CCDC171: variants seen among roughly 807,000 people sequenced by gnomAD.
CCDC171 encodes coiled-coil domain-containing protein 171.
Under a neutral mutation model 168.2 loss-of-function variants are expected in CCDC171, and 177 were observed. The observed-to-expected ratio is 1.05, with a 90% CI of 0.93 to 1.19. The LOEUF is 1.19. CCDC171 is among the 50% of genes most tolerant of loss of function. The pLI is 0.00. For missense variants in CCDC171, 1,991 were observed against 1,539.0 expected (o/e 1.29, Z -4.91); for synonymous variants, 687 against 540.8 (o/e 1.27, Z -3.75).
chr9:15,849,077 A>G (rs1236171485), intron 23 of CCDC171, 130 bp downstream of exon 23: 4 of 515,024 alleles, frequency 7.8e-6, no homozygotes, highest in Non-Finnish European at 1.4e-5. Flanking sequence ...TGCTTTGTAG[A>G]TGACTGGAAA....
At chr9:15,900,931 C>T (rs553453339) in intron 24 of CCDC171, among the ~76,000 whole-genome samples, 53 of 152,300 alleles carry the variant, frequency 3.5e-4, no homozygotes, top group Non-Finnish European at 6.9e-4. Flanking sequence ...CAGTGTACAT[C>T]TACAGTTAGT....
At chr9:16,105,159 G>A in the CCDC171 span, among the ~76,000 whole-genome samples, 1 of 152,154 alleles carries the variant, frequency 6.6e-6, no homozygotes, top group South Asian at 2.1e-4. Flanking sequence ...CCTATGAGAC[G>A]GCAGCAGTGA....
At chr9:15,610,629 A>T (rs1327588215) in intron 6 of CCDC171, among the ~76,000 whole-genome samples, 1 of 148,610 alleles carries the variant, frequency 6.7e-6, no homozygotes, top group Non-Finnish European at 1.5e-5. Context: ...ACTCTGTCTA[A>T]AAAAAAAAAC....
At chr9:15,835,972 T>C (rs965171157) in intron 21 of CCDC171, among the ~76,000 whole-genome samples, 2 of 152,136 alleles carry the variant, frequency 1.3e-5, no homozygotes, top group African/African-American at 4.8e-5. Context: ...TTAAATTATT[T>C]TTCTATAATG....
At chr9:15,782,914 C>T (rs923349840) in intron 20 of CCDC171, among the ~76,000 whole-genome samples, 1 of 152,182 alleles carries the variant, frequency 6.6e-6, no homozygotes, top group African/African-American at 2.4e-5. Context: ...CTAGGTGACT[C>T]TCTGAAAATG....
At chr9:15,618,206 C>G (rs182857053) in intron 6 of CCDC171, among the ~76,000 whole-genome samples, 73 of 152,278 alleles carry the variant, frequency 4.8e-4, no homozygotes, top group African/African-American at 1.6e-3. Flanking sequence ...GCATATCCTG[C>G]AGAGATGCCC....
intron 11 of CCDC171, among the ~76,000 whole-genome samples, chr9:15,712,327 C>G (rs1249568708): frequency 6.6e-6 from 1 of 152,212 alleles, no homozygotes; most frequent in Non-Finnish European, 1.5e-5. Flanking sequence ...TCTCCTTCCT[C>G]CTTGTCCCTG....
intron 7 of CCDC171, among the ~76,000 whole-genome samples, chr9:15,634,737 C>G (rs925082658): frequency 6.6e-6 from 1 of 152,208 alleles, no homozygotes; most frequent in Non-Finnish European, 1.5e-5. Flanking sequence ...GCAACCATTA[C>G]TATAATCCAT....
chr9:16,100,573 C>T, the CCDC171 span, among the ~76,000 whole-genome samples: 1 of 152,122 alleles, frequency 6.6e-6, no homozygotes, highest in African/African-American at 2.4e-5. Context: ...ACTTGAGTGT[C>T]CAAATAAAAG....
At chr9:16,098,948 G>C in the CCDC171 span, among the ~76,000 whole-genome samples, 1 of 152,114 alleles carries the variant, frequency 6.6e-6, no homozygotes, top group Admixed American at 6.5e-5. Flanking sequence ...CCTGCATCAG[G>C]GAGGGCTCAT....
At chr9:15,569,350 A>G (rs2040013894) in intron 2 of CCDC171, among the ~76,000 whole-genome samples, 1 of 152,216 alleles carries the variant, frequency 6.6e-6, no homozygotes, top group Non-Finnish European at 1.5e-5. Context: ...GGGTCATAAA[A>G]GTACCAATCT....
chr9:15,827,642 TC>T (rs2060069174), intron 21 of CCDC171, among the ~76,000 whole-genome samples: 1 of 152,196 alleles, frequency 6.6e-6, no homozygotes. Context: ...ATTAAAAGTT[TC>T]CATGTATCTG....
intron 3 of CCDC171, among the ~76,000 whole-genome samples, chr9:15,997,929 C>T (rs1832421866): frequency 6.6e-6 from 1 of 152,172 alleles, no homozygotes; most frequent in Non-Finnish European, 1.5e-5. Context: ...GCATCAATTA[C>T]CCCTGCCAAG....
chr9:15,584,628 C>T (rs142326650), intron 4 of CCDC171, among the ~76,000 whole-genome samples: 3 of 152,116 alleles, frequency 2.0e-5, no homozygotes, highest in Non-Finnish European at 4.4e-5. Context: ...GGCGACCTTT[C>T]TAGATTTTAT....
intron 7 of CCDC171, among the ~76,000 whole-genome samples, chr9:15,631,302 A>G (rs1222113957): frequency 1.3e-5 from 2 of 152,112 alleles, no homozygotes; most frequent in Non-Finnish European, 2.9e-5. Context: ...AAAAGAGAGA[A>G]GAATCAAATA....
rs534694021 is a variant in CCDC171, at chr9:15,879,078, C to A, written c.3600+4415C>A. Among the ~76,000 whole-genome samples the A allele has an allele frequency of 5.3e-5, 8 of 152,154 alleles. No homozygotes were observed. In the South Asian group the frequency reaches 1.7e-3, roughly 32 times the overall value. ...AACAAACCATTGTGACATGAGTTTA[C>A]CTATATAACAAGCCTGCATATTTAC... is the stretch of plus-strand genomic sequence containing the variant. On this transcript the variant is annotated intron_variant, in intron 24 of 25. Transcript: ENST00000380701.
intron 21 of CCDC171, among the ~76,000 whole-genome samples, chr9:15,791,376 A>C (rs1310950337): frequency 1.3e-5 from 2 of 152,092 alleles, no homozygotes; most frequent in Non-Finnish European, 2.9e-5. Flanking sequence ...ATGGGAGTTC[A>C]CTCATGATTT....
At chr9:15,982,989 C>G (rs1831852398) in intron 3 of CCDC171, among the ~76,000 whole-genome samples, 1 of 152,138 alleles carries the variant, frequency 6.6e-6, no homozygotes, top group Non-Finnish European at 1.5e-5. Flanking sequence ...TCTTAAAGGT[C>G]ACTTCCTACA....
At chr9:15,832,188 A>G (rs987565120) in intron 21 of CCDC171, among the ~76,000 whole-genome samples, 1 of 152,238 alleles carries the variant, frequency 6.6e-6, no homozygotes, top group African/African-American at 2.4e-5. Context: ...TAGAAATGCC[A>G]AATAAATCTA....
Sources: allele counts gnomAD v4.1 joint callset (sites outside exome capture counted in the v4.1 genomes callset), GRCh38; gene constraint gnomAD v4.1.1; transcripts MANE v1.5; gene names NCBI Gene and HGNC (gene_info 2026-07-23, HGNC 2026-07-21).